The following CTDP1 variants were observed in gnomAD, a reference collection of about 807,000 sequenced individuals.
CTDP1 encodes the protein RNA polymerase II subunit A C-terminal domain phosphatase.
In CTDP1, 47 loss-of-function variants were observed where a neutral mutation model predicts 91.8. The ratio of observed to expected loss-of-function variants is 0.51; its 90% confidence interval spans 0.41 to 0.65. The LOEUF (loss-of-function observed/expected upper bound fraction) is 0.65. CTDP1 is among the 30% of genes least tolerant of loss of function. The pLI is 0.00. For missense variants in CTDP1, 1,272 were observed against 1,373.7 expected (o/e 0.93, Z 1.17); for synonymous variants, 656 against 598.5 (o/e 1.10, Z -1.40).
chr18:79,707,416 G>A (rs940233995), intron 5 of CTDP1, among the ~76,000 whole-genome samples: 23 of 152,266 alleles, frequency 1.5e-4, no homozygotes, highest in African/African-American at 5.3e-4. Flanking sequence ...CAGCAGAGCA[G>A]GGAGCCTGCT....
chr18:79,696,660 G>A (rs2085754935), intron 3 of CTDP1, among the ~76,000 whole-genome samples: 2 of 152,262 alleles, frequency 1.3e-5, no homozygotes, highest in South Asian at 2.1e-4. Context: ...CCTTGTAGCC[G>A]ACAGGAGAGC....
chr18:79,680,633 T>C (rs891006043), intron 1 of CTDP1, among the ~76,000 whole-genome samples: 3 of 152,248 alleles, frequency 2.0e-5, no homozygotes, highest in African/African-American at 7.2e-5. Flanking sequence ...TCCAGACCTG[T>C]TATTGAAATA....
intron 11 of CTDP1, among the ~76,000 whole-genome samples, chr18:79,733,734 C>G (rs1394311452): frequency 1.3e-5 from 2 of 152,176 alleles, no homozygotes; most frequent in Admixed American, 6.5e-5. Flanking sequence ...TTCCCGTCCT[C>G]TCTCTTGAAG....
intron 5 of CTDP1, among the ~76,000 whole-genome samples, chr18:79,705,553 G>A (rs974940221): frequency 1.3e-5 from 2 of 151,760 alleles, no homozygotes; most frequent in Admixed American, 6.6e-5. Context: ...ACGAAGCAAC[G>A]TCTGTCCCAC....
chr18:79,733,436 G>A (rs2086604908), intron 11 of CTDP1, among the ~76,000 whole-genome samples: 1 of 152,192 alleles, frequency 6.6e-6, no homozygotes, highest in African/African-American at 2.4e-5. Context: ...GGAGATCACT[G>A]AGGGTTGAGG....
intron 10 of CTDP1, among the ~76,000 whole-genome samples, chr18:79,727,570 C>A (rs1255624953): frequency 6.6e-6 from 1 of 152,230 alleles, no homozygotes; most frequent in African/African-American, 2.4e-5. Flanking sequence ...TTTGACAAGG[C>A]TTGGGAAGTC....
chr18:79,690,622 G>A (rs367651386), intron 1 of CTDP1, among the ~76,000 whole-genome samples: 1 of 152,160 alleles, frequency 6.6e-6, no homozygotes, highest in Admixed American at 6.5e-5. Context: ...GAAATGTCTC[G>A]TATTAAGAAA....
chr18:79,735,391 C>T (rs1032025864), intron 11 of CTDP1, among the ~76,000 whole-genome samples: 1 of 152,270 alleles, frequency 6.6e-6, no homozygotes, highest in Admixed American at 6.5e-5. Flanking sequence ...CACACAGACG[C>T]CCTCAACGTC....
At chr18:79,727,360 C>T (rs1001237049) in intron 10 of CTDP1, among the ~76,000 whole-genome samples, 5 of 152,170 alleles carry the variant, frequency 3.3e-5, no homozygotes, top group Admixed American at 6.5e-5. Flanking sequence ...GGATGGGAAG[C>T]GTGGCGTTCA....
intron 10 of CTDP1, among the ~76,000 whole-genome samples, chr18:79,727,226 G>A (rs1330861272): frequency 1.3e-5 from 2 of 152,220 alleles, no homozygotes; most frequent in East Asian, 3.8e-4. Context: ...ATTTAATTCA[G>A]TTTAAAATAA....
chr18:79,715,347 CAA>C lies in CTDP1; in HGVS notation c.1888_1889del (p.Lys630GlufsTer49). The C allele has an allele frequency of 6.2e-7, 1 of 1,609,018 alleles. No individual in the cohort carries two copies. Among genetic ancestry groups the C allele is most frequent in the Non-Finnish European group, 8.5e-7 (1 of 1,177,662 alleles). The part of the protein sequence containing the change: ...PDIRKIVPEL[K>X]SKVLADVAII... Reference sequence around the variant, plus strand: ...ACATCCGCAAGATCGTGCCGGAGCTCAAGAGCAAGGTGCTGGCAGACGTGGCC... The same window carrying C: ...ACATCCGCAAGATCGTGCCGGAGCTCGAGCAAGGTGCTGGCAGACGTGGCC... On this transcript the variant is annotated frameshift_variant, in exon 8 of 13. Transcript: ENST00000613122. LOFTEE classifies it high-confidence loss of function.
chr18:79,705,242 G>A (rs1046779857), intron 5 of CTDP1, among the ~76,000 whole-genome samples: 2 of 152,146 alleles, frequency 1.3e-5, no homozygotes, highest in African/African-American at 2.4e-5. Flanking sequence ...CTTTGGGCCG[G>A]GCTGCTTGTG....
At position 79,754,153 on chromosome 18, in the gene CTDP1, G is replaced by A. The variant is rs1363661535; in HGVS notation, c.*363G>A. Reference sequence around the variant, plus strand: ...TAGGGGACGGCTTTGGGGGTCCCACGAGACATGGACTAGGAGTTTAAGCAG... The same window carrying A: ...TAGGGGACGGCTTTGGGGGTCCCACAAGACATGGACTAGGAGTTTAAGCAG... On this transcript the variant is annotated 3_prime_UTR_variant, in exon 13 of 13. Coordinates refer to ENST00000613122, the MANE Select transcript of CTDP1 (RefSeq NM_004715.5). The A allele has an allele frequency of 2.0e-5, 7 of 358,842 alleles. No individual in the cohort carries two copies. The highest frequency in any genetic ancestry group is 3.2e-5 in the Non-Finnish European group (6 of 184,906). The allele number at this position is 358,842 out of a possible 1,614,324, so 22.2% of individuals were successfully genotyped here. A position where few individuals can be genotyped will look rare whatever the true frequency, so the allele number is the denominator to read the frequency against.
intron 1 of CTDP1, among the ~76,000 whole-genome samples, chr18:79,686,522 T>C (rs2085497218): frequency 6.6e-6 from 1 of 152,230 alleles, no homozygotes; most frequent in Non-Finnish European, 1.5e-5. Context: ...CTTGGTAGGT[T>C]TTTAAATATA....
chr18:79,748,860 TGAGCCG>T (rs2086935090), intron 12 of CTDP1, among the ~76,000 whole-genome samples: 1 of 151,882 alleles, frequency 6.6e-6, no homozygotes, highest in Non-Finnish European at 1.5e-5. Flanking sequence ...TGTCTGTGTG[TGAGCCG>T]TTCTGTGTGT....
chr18:79,707,195 T>G (rs535441289), intron 5 of CTDP1, among the ~76,000 whole-genome samples: 32 of 152,318 alleles, frequency 2.1e-4, no homozygotes, highest in African/African-American at 5.5e-4. Context: ...TTAGCCGGGC[T>G]ACACCCTTGC....
rs868043108 is a variant in CTDP1 at position 79,697,332 on chromosome 18, C to T, written c.493-528C>T. On this transcript the variant is annotated intron_variant, in intron 3 of 12. Transcript: ENST00000613122. ...GCCGGGCTCCTGATGCCGGGGTGACCGGGCCCTTGTTAGGAGCTCCACTCT... is the reference window on the plus strand; with the variant it reads ...GCCGGGCTCCTGATGCCGGGGTGACTGGGCCCTTGTTAGGAGCTCCACTCT... Among the ~76,000 whole-genome samples, 25 of 152,240 alleles carry T rather than the reference C, an allele frequency of 1.6e-4. No homozygotes were observed. The Middle Eastern group carries it at 0.01, about 62-fold the overall frequency.
At position 79,700,302 on chromosome 18, in the gene CTDP1, C is replaced by G. The variant is rs144851013; in HGVS notation, c.621+2314C>G. Among the ~76,000 whole-genome samples, 185 of 152,354 alleles carry G rather than the reference C, an allele frequency of 1.2e-3. 1 individual carries two copies. Among genetic ancestry groups the G allele is most frequent in the African/African-American group, 4.1e-3 (171 of 41,590 alleles). On this transcript the variant is annotated intron_variant, in intron 4 of 12. Coordinates refer to ENST00000613122, the MANE Select transcript of CTDP1 (RefSeq NM_004715.5). ...GCCAGAAGCCAGGAAAGGCTGCAAG[C>G]TGGTCCTCTTGCACTAAACAGCCAA... is the stretch of plus-strand genomic sequence containing the variant.
At position 79,717,994 on chromosome 18, in the gene CTDP1, C is replaced by T. The variant is rs148053048; in HGVS notation, c.2395C>T (p.Arg799Cys). The T allele has an allele frequency of 3.3e-4, 539 of 1,613,360 alleles. 1 individual carries two copies. Among genetic ancestry groups the T allele is most frequent in the Middle Eastern group, 1.2e-3 (7 of 6,062 alleles). Reference sequence around the variant, plus strand: ...AGCACCCTCCAGCTCCCTACCCATCCGCCAGGAGCCCTCTTCCTTCAGGTA... The same window carrying T: ...AGCACCCTCCAGCTCCCTACCCATCTGCCAGGAGCCCTCTTCCTTCAGGTA... ...PPAPSSSLPI[R>C]QEPSSFRAVP... is the part of the protein sequence containing the mutation. Residue 799 changes from arginine to cysteine, a missense_variant, in exon 10 of 13, where the codon CGC becomes TGC. Around this residue, in one of 3 missense-constraint regions of CTDP1, gnomAD observed 881 missense variants for 911.6 expected, o/e 0.97. Coordinates refer to ENST00000613122, the MANE Select transcript of CTDP1 (RefSeq NM_004715.5).
Sources: allele counts gnomAD v4.1 joint callset (sites outside exome capture counted in the v4.1 genomes callset), GRCh38; gene constraint gnomAD v4.1.1; regional missense constraint gnomAD v4.1.1; transcripts MANE v1.5; gene names NCBI Gene and HGNC (gene_info 2026-07-23, HGNC 2026-07-21).